HIGD1A: variants seen among roughly 807,000 people sequenced by gnomAD.
HIGD1A encodes HIG1 hypoxia inducible domain family member 1A.
A neutral mutation model predicts 11.3 loss-of-function variants in HIGD1A; 8 were observed. The observed-to-expected ratio is 0.71, with a 90% CI of 0.42 to 1.28. HIGD1A has a LOEUF of 1.28. Among genes scored for constraint, HIGD1A ranks in the 50% most tolerant of loss-of-function variants. The probability of loss-of-function intolerance (pLI) is 0.01; values close to 1 mark genes in which losing one functional copy is unlikely to be tolerated. For missense variants in HIGD1A, 107 were observed against 118.8 expected, an observed-to-expected ratio of 0.90 and a Z score of 0.46; for synonymous variants, 32 against 38.4, an observed-to-expected ratio of 0.83 and a Z score of 0.62.
intron 1 of HIGD1A, among the ~76,000 whole-genome samples, chr3:42,796,431 T>G (rs1575362841): frequency 8.5e-6 from 1 of 118,172 alleles, no homozygotes; most frequent in East Asian, 4.0e-4. Context: ...AAAAATTAGT[T>G]GTTGTTTTTT....
intron 2 of HIGD1A, among the ~76,000 whole-genome samples, chr3:42,793,163 G>A (rs565765534): frequency 5.7e-4 from 86 of 152,068 alleles, no homozygotes; most frequent in African/African-American, 2.0e-3. Flanking sequence ...TGGCATTAAA[G>A]GTAATTTTAA....
intron 1 of HIGD1A, among the ~76,000 whole-genome samples, chr3:42,800,956 GCCTGC>G (rs1337634281): frequency 2.6e-5 from 4 of 152,078 alleles, no homozygotes; most frequent in African/African-American, 7.2e-5. Flanking sequence ...TTTCAACTTT[GCCTGC>G]TCTGTTCTGA....
intron 2 of HIGD1A, among the ~76,000 whole-genome samples, chr3:42,790,939 G>C (rs1241370043): frequency 6.6e-6 from 1 of 152,146 alleles, no homozygotes; most frequent in Non-Finnish European, 1.5e-5. Flanking sequence ...GGCCTGCTGA[G>C]TAGCTGCAAT....
rs1314031149 is a variant in HIGD1A at position 42,785,243 on chromosome 3, C to T, written c.*28G>A. On this transcript the variant is annotated 3_prime_UTR_variant, in exon 4 of 4. Coordinates refer to ENST00000321331, the MANE Select transcript of HIGD1A (RefSeq NM_014056.4). Reference sequence around the variant, plus strand: ...GACATCTAACTAAAGCAAGCTCCTCCAACAAGACCAAGACAGCATCTCTTC... The same window carrying T: ...GACATCTAACTAAAGCAAGCTCCTCTAACAAGACCAAGACAGCATCTCTTC... 1.3e-6 allele frequency: 2 copies of T among 1,591,330 alleles called. No homozygotes were observed. Among genetic ancestry groups the T allele is most frequent in the African/African-American group, 2.7e-5 (2 of 74,036 alleles).
intron 1 of HIGD1A, among the ~76,000 whole-genome samples, chr3:42,801,760 T>C (rs956129590): frequency 2.0e-5 from 3 of 152,232 alleles, no homozygotes; most frequent in Admixed American, 1.3e-4. Context: ...TTATATACCA[T>C]AATCCACTTT....
chr3:42,802,072 TA>T (rs1426387052), intron 1 of HIGD1A, among the ~76,000 whole-genome samples: 2 of 151,856 alleles, frequency 1.3e-5, no homozygotes, highest in South Asian at 2.1e-4. Flanking sequence ...AATCGTTTTT[TA>T]AAAATAGCAA....
intron 2 of HIGD1A, among the ~76,000 whole-genome samples, chr3:42,789,457 A>T (rs376277290): frequency 2.0e-5 from 3 of 151,822 alleles, no homozygotes; most frequent in African/African-American, 7.3e-5. Flanking sequence ...CTTGAGGCCA[A>T]GGGTTTGAGA....
Position 42,787,594 on chromosome 3 carries a change from A to AAAAAATAT in HIGD1A, c.98-1433_98-1432insATATTTTT, listed in dbSNP as rs1383516264. ...CGACAGAGCGAGACTCCATCTCAAA[A>AAAAAATAT]ATATATATATATATATATATATATA... is the stretch of plus-strand genomic sequence containing the variant. On this transcript the variant is annotated intron_variant, in intron 2 of 3. Coordinates refer to ENST00000321331, the MANE Select transcript of HIGD1A (RefSeq NM_014056.4). Among the ~76,000 whole-genome samples, 7 of 141,256 alleles carry AAAAAATAT rather than the reference A, an allele frequency of 5.0e-5. 1 individual carries two copies. In the South Asian group the frequency reaches 1.3e-3, roughly 26 times the overall value. The allele number at this position is 141,256 out of a possible 152,430, so 92.7% of individuals were successfully genotyped here.
intron 2 of HIGD1A, among the ~76,000 whole-genome samples, chr3:42,792,176 A>G (rs914371320): frequency 6.6e-6 from 1 of 152,166 alleles, no homozygotes; most frequent in East Asian, 1.9e-4. Context: ...TTTTGCAACT[A>G]ACTTATTAAT....
rs543027333 is a variant in HIGD1A, at chr3:42,792,985, A to G, written c.97+1172T>C. On this transcript the variant is annotated intron_variant, in intron 2 of 3. Coordinates refer to ENST00000321331, the MANE Select transcript of HIGD1A (RefSeq NM_014056.4). ...CAACAAGAGTGAAACTCCTTCTCGG[A>G]AAAAAAAAAAAAAGTCGAGTTTCGA... 6.6e-4 allele frequency among the ~76,000 whole-genome samples: 95 copies of G among 144,034 alleles called. No individual in the cohort carries two copies. In the East Asian group the frequency reaches 0.014, roughly 21 times the overall value. 94.5% of individuals were successfully genotyped at this position (144,034 alleles called of 152,430 possible).
intron 2 of HIGD1A, among the ~76,000 whole-genome samples, chr3:42,787,154 C>T (rs1310818663): frequency 6.6e-6 from 1 of 151,844 alleles, no homozygotes; most frequent in Admixed American, 6.6e-5. Context: ...CACAACAAAA[C>T]GTGTGCTAAA....
chr3:42,792,736 T>C (rs970265893), intron 2 of HIGD1A, among the ~76,000 whole-genome samples: 3 of 150,586 alleles, frequency 2.0e-5, no homozygotes, highest in Non-Finnish European at 2.9e-5. Context: ...TCCCAGCACT[T>C]TGGGAGGCCG....
At chr3:42,801,189 T>C (rs1167896167) in intron 1 of HIGD1A, among the ~76,000 whole-genome samples, 2 of 152,028 alleles carry the variant, frequency 1.3e-5, no homozygotes, top group African/African-American at 4.8e-5. Flanking sequence ...TGTACTAGTC[T>C]GTATCAACTG....
In HIGD1A at chr3:42,784,919, G is replaced by C. The variant is rs1290682157; in HGVS notation, c.*352C>G. 8.9e-6 allele frequency: 2 copies of C among 224,816 alleles called. No individual in the cohort carries two copies. The highest frequency in any genetic ancestry group is 2.3e-5 in the African/African-American group (1 of 44,062). The allele number at this position is 224,816 out of a possible 1,614,324, so 13.9% of individuals were successfully genotyped here. On this transcript the variant is annotated 3_prime_UTR_variant, in exon 4 of 4. Coordinates refer to ENST00000321331, the MANE Select transcript of HIGD1A (RefSeq NM_014056.4). ...CTCTTATGCAACATCCAAAATATCT[G>C]ACATTCTGCAGCAAACAGGGAGTAC...
intron 2 of HIGD1A, among the ~76,000 whole-genome samples, chr3:42,789,617 T>G (rs1185763800): frequency 6.7e-6 from 1 of 148,572 alleles, no homozygotes; most frequent in East Asian, 1.9e-4. Flanking sequence ...TGAAACTATG[T>G]GAACATCTGA....
chr3:42,792,590 C>T lies in HIGD1A; in HGVS notation c.97+1567G>A, dbSNP rs569240723. ...TCGGGAGGCTGAGGCAGGAGAATGG[C>T]GTGAACTCGGGAGGCGGAGCTTGCA... is the stretch of plus-strand genomic sequence containing the variant. On this transcript the variant is annotated intron_variant, in intron 2 of 3. Coordinates refer to ENST00000321331, the MANE Select transcript of HIGD1A (RefSeq NM_014056.4). 2.3e-3 allele frequency among the ~76,000 whole-genome samples: 346 copies of T among 151,110 alleles called. 1 individual carries two copies. The highest frequency in any genetic ancestry group is 6.8e-3 in the Middle Eastern group (2 of 292).
At position 42,800,954 on chromosome 3, in the gene HIGD1A, TTGCC is replaced by T. The variant is rs1334754595; in HGVS notation, c.-23+3478_-23+3481del. 6.6e-5 allele frequency among the ~76,000 whole-genome samples: 10 copies of T among 152,310 alleles called. No homozygotes were observed. The East Asian group carries it at 1.7e-3, about 26-fold the overall frequency. ...CATTCTGACTACATCCATTTCAACT[TTGCC>T]TGCTCTGTTCTGAGTTGCTTTAACA... On this transcript the variant is annotated intron_variant, in intron 1 of 3. Transcript: ENST00000321331.
intron 2 of HIGD1A, among the ~76,000 whole-genome samples, chr3:42,791,093 T>G (rs35488977): frequency 0.18 from 28,052 of 152,180 alleles, 2,682 homozygotes; most frequent in South Asian, 0.27. Flanking sequence ...AGTAGTTGAG[T>G]AACAAATCTC....
rs1700310432 is a variant in HIGD1A, at chr3:42,783,758, A to G, written c.*1513T>C. 6.6e-6 allele frequency among the ~76,000 whole-genome samples: 1 copy of G among 152,152 alleles called. No individual in the cohort carries two copies. Among genetic ancestry groups the G allele is most frequent in the Non-Finnish European group, 1.5e-5 (1 of 68,036 alleles). Reference sequence around the variant, plus strand: ...TCAAAAGGAATTATTGGTGACTGAAAATAAATAGAAGAGTGTTATAATTAT... The same window carrying G: ...TCAAAAGGAATTATTGGTGACTGAAGATAAATAGAAGAGTGTTATAATTAT... On this transcript the variant is annotated 3_prime_UTR_variant, in exon 4 of 4. Transcript: ENST00000321331.
Sources: gnomAD v4.1 joint callset for allele counts (sites outside exome capture counted in the v4.1 genomes callset) on GRCh38, gnomAD v4.1.1 for gene constraint, MANE v1.5 for transcripts, NCBI Gene and HGNC (gene_info 2026-07-23, HGNC 2026-07-21) for gene names.